The following GPC5 variants were observed in gnomAD, a reference collection of about 807,000 sequenced individuals.
GPC5 encodes glypican 5.
In GPC5, 47 loss-of-function variants were observed where a neutral mutation model predicts 53.9. The ratio of observed to expected loss-of-function variants is 0.87; its 90% CI spans 0.69 to 1.11. The LOEUF (loss-of-function observed/expected upper bound fraction) is 1.11, where lower values mean the gene tolerates loss of function less well. Ranked by LOEUF, GPC5 falls within the 50% of genes most tolerant of loss-of-function variation. The pLI is 0.00. For missense variants in GPC5, 748 were observed against 713.1 expected, an observed-to-expected ratio of 1.05 and a Z score of -0.56; for synonymous variants, 286 against 263.3, an observed-to-expected ratio of 1.09 and a Z score of -0.84.
intron 7 of GPC5, among the ~76,000 whole-genome samples, chr13:92,364,546 T>C (rs530013411): frequency 2.6e-5 from 4 of 151,554 alleles, no homozygotes; most frequent in Admixed American, 2.0e-4. Flanking sequence ...CTGGCTAACA[T>C]GGTGAAACCC....
intron 5 of GPC5, among the ~76,000 whole-genome samples, chr13:91,830,275 A>T (rs2138852762): frequency 6.6e-6 from 1 of 152,222 alleles, no homozygotes. Context: ...TGTTCTGCCC[A>T]GCTCACCGGC....
At chr13:91,654,650 A>G (rs1241344935) in intron 2 of GPC5, among the ~76,000 whole-genome samples, 1 of 152,160 alleles carries the variant, frequency 6.6e-6, no homozygotes, top group Non-Finnish European at 1.5e-5. Flanking sequence ...ATAGTTTCTA[A>G]TGTTTCTACG....
chr13:91,707,180 G>A (rs960915415), intron 3 of GPC5, among the ~76,000 whole-genome samples: 1 of 151,924 alleles, frequency 6.6e-6, no homozygotes, highest in Non-Finnish European at 1.5e-5. Flanking sequence ...AGCAGAAGAT[G>A]GGCATACACA....
At chr13:92,154,894 T>C (rs1480912108) in intron 7 of GPC5, among the ~76,000 whole-genome samples, 1 of 152,226 alleles carries the variant, frequency 6.6e-6, no homozygotes, top group African/African-American at 2.4e-5. Context: ...CCACATTAAA[T>C]ATAACACATT....
intron 5 of GPC5, among the ~76,000 whole-genome samples, chr13:91,799,189 G>T (rs2038095205): frequency 6.6e-6 from 1 of 152,180 alleles, no homozygotes; most frequent in Non-Finnish European, 1.5e-5. Context: ...CAGCAACATG[G>T]TTGCAGCTGT....
intron 1 of GPC5, among the ~76,000 whole-genome samples, chr13:91,427,866 G>A (rs991665815): frequency 1.3e-5 from 2 of 152,146 alleles, no homozygotes; most frequent in Non-Finnish European, 2.9e-5. Flanking sequence ...TCTCGTGATA[G>A]TGAGTGAATT....
chr13:91,649,406 G>A (rs1171415250), intron 2 of GPC5, among the ~76,000 whole-genome samples: 2 of 152,078 alleles, frequency 1.3e-5, no homozygotes, highest in South Asian at 2.1e-4. Flanking sequence ...TACTACACAC[G>A]TTTCTTGTGA....
At chr13:91,892,502 A>C (rs1013037101) in intron 5 of GPC5, among the ~76,000 whole-genome samples, 1 of 151,686 alleles carries the variant, frequency 6.6e-6, no homozygotes, top group African/African-American at 2.4e-5. Flanking sequence ...TTTTTGATAC[A>C]CTTTATATAC....
chr13:92,195,429 G>A (rs1004206522), intron 7 of GPC5, among the ~76,000 whole-genome samples: 1 of 152,164 alleles, frequency 6.6e-6, no homozygotes, highest in Non-Finnish European at 1.5e-5. Context: ...TGAGTTAGGA[G>A]CGTATTGGCT....
intron 1 of GPC5, among the ~76,000 whole-genome samples, chr13:91,423,258 C>T (rs78884379): frequency 0.035 from 5,305 of 152,214 alleles, 139 homozygotes; most frequent in Non-Finnish European, 0.051. Flanking sequence ...AGCCACACTG[C>T]CAGGGCTCAT....
At chr13:92,023,547 A>T (rs2138794280) in intron 6 of GPC5, among the ~76,000 whole-genome samples, 1 of 152,060 alleles carries the variant, frequency 6.6e-6, no homozygotes, top group East Asian at 1.9e-4. Flanking sequence ...AGAAGTACTT[A>T]CATTTTATTA....
At chr13:92,131,212 C>A (rs1288498757) in intron 6 of GPC5, among the ~76,000 whole-genome samples, 1 of 151,892 alleles carries the variant, frequency 6.6e-6, no homozygotes, top group Non-Finnish European at 1.5e-5. Context: ...GGAATAACTA[C>A]CACTCTTATA....
intron 5 of GPC5, among the ~76,000 whole-genome samples, chr13:91,758,782 A>G (rs569832066): frequency 3.9e-5 from 6 of 152,168 alleles, no homozygotes; most frequent in Admixed American, 3.9e-4. Flanking sequence ...TCTATTAGCT[A>G]CTTCCAAGTG....
intron 5 of GPC5, among the ~76,000 whole-genome samples, chr13:91,864,441 A>C (rs2039062706): frequency 6.6e-6 from 1 of 152,168 alleles, no homozygotes; most frequent in African/African-American, 2.4e-5. Context: ...GATGGAATCT[A>C]TTGTGTGCTT....
At chr13:92,428,478 A>G (rs997851235) in intron 7 of GPC5, among the ~76,000 whole-genome samples, 1 of 152,010 alleles carries the variant, frequency 6.6e-6, no homozygotes, top group African/African-American at 2.4e-5. Context: ...GTACTGTTAC[A>G]CTAACAGTTC....
intron 2 of GPC5, among the ~76,000 whole-genome samples, chr13:91,452,909 C>A (rs1422915134): frequency 1.3e-5 from 2 of 151,480 alleles, no homozygotes; most frequent in Admixed American, 6.6e-5. Context: ...TAGAAATGAA[C>A]CTTTTCTTAT....
At chr13:92,669,939 G>A (rs144552679) in intron 7 of GPC5, among the ~76,000 whole-genome samples, 27 of 152,194 alleles carry the variant, frequency 1.8e-4, no homozygotes, top group East Asian at 1.4e-3. Context: ...GTTATTTGCC[G>A]TCACACAATC....
chr13:92,025,720 A>G (rs1264300684), intron 6 of GPC5, among the ~76,000 whole-genome samples: 1 of 152,304 alleles, frequency 6.6e-6, no homozygotes, highest in Non-Finnish European at 1.5e-5. Context: ...CATGTCCATT[A>G]TAAGTCTTGG....
intron 2 of GPC5, among the ~76,000 whole-genome samples, chr13:91,654,071 C>G (rs957895876): frequency 6.6e-6 from 1 of 152,120 alleles, no homozygotes; most frequent in Non-Finnish European, 1.5e-5. Flanking sequence ...GCATTACCAG[C>G]TACTGAGATT....
Sources: allele counts gnomAD v4.1 joint callset (sites outside exome capture counted in the v4.1 genomes callset), GRCh38; gene constraint gnomAD v4.1.1; transcripts MANE v1.5; gene names NCBI Gene and HGNC (gene_info 2026-07-23, HGNC 2026-07-21).